FBN2: variants seen among roughly 807,000 people sequenced by gnomAD.
The protein encoded by FBN2 is fibrillin-2.
A neutral mutation model predicts 355.6 loss-of-function variants in FBN2; 105 were observed. The ratio of observed to expected loss-of-function variants is 0.30; its 90% confidence interval spans 0.25 to 0.35. FBN2 has a LOEUF of 0.35. Ranked by LOEUF, FBN2 falls within the 10% of genes least tolerant of loss-of-function variation. FBN2 has a pLI of 1.00. For synonymous variants in FBN2, 1,350 were observed against 1,301.2 expected, an observed-to-expected ratio of 1.04 and a Z score of -0.81; for missense variants, 3,280 against 3,758.7, an observed-to-expected ratio of 0.87 and a Z score of 3.33.
At chr5:128,334,682 GA>G (rs1486106526) in intron 31 of FBN2, 36 bp downstream of exon 31, 4 of 1,612,588 alleles carry the variant, frequency 2.5e-6, no homozygotes, top group Non-Finnish European at 3.4e-6. Context: ...TGACATCTGA[GA>G]AGTTGAAATA....
At chr5:128,339,797 G>A (rs893294645) in intron 25 of FBN2, among the ~76,000 whole-genome samples, 3 of 152,132 alleles carry the variant, frequency 2.0e-5, no homozygotes, top group Admixed American at 6.5e-5. Flanking sequence ...CTCTGTGCAG[G>A]AGGGACTGGC....
chr5:128,529,419 G>C (rs974648680), intron 3 of FBN2, among the ~76,000 whole-genome samples: 24 of 152,182 alleles, frequency 1.6e-4, no homozygotes, highest in African/African-American at 5.6e-4. Context: ...AGAAGATAAT[G>C]ATTAATAGTG....
chr5:128,286,034 C>T (rs185742571), intron 55 of FBN2, among the ~76,000 whole-genome samples: 132 of 152,170 alleles, frequency 8.7e-4, no homozygotes, highest in African/African-American at 2.7e-3. Context: ...TAGCATTTTG[C>T]CCTGTGCTAG....
chr5:128,290,603 C>T, intron 50 of FBN2, 129 bp downstream of exon 50: 1 of 951,338 alleles, frequency 1.1e-6, no homozygotes, highest in Non-Finnish European at 1.7e-6. Context: ...TTCAATGAAC[C>T]ATCAAAACTT....
chr5:128,269,334 G>A (rs1336290834), intron 62 of FBN2, among the ~76,000 whole-genome samples: 1 of 150,028 alleles, frequency 6.7e-6, no homozygotes, highest in African/African-American at 2.4e-5. Flanking sequence ...CAGGCATGGT[G>A]GCAGGCGCCT....
intron 49 of FBN2, 112 bp downstream of exon 49, chr5:128,291,417 A>G (rs376811581): frequency 8.0e-7 from 1 of 1,248,650 alleles, no homozygotes; most frequent in African/African-American, 1.5e-5. Context: ...TTGCAGATGT[A>G]TTTTAGCATA....
At chr5:128,327,676 T>C (rs907108065) in intron 34 of FBN2, among the ~76,000 whole-genome samples, 2 of 152,060 alleles carry the variant, frequency 1.3e-5, no homozygotes, top group African/African-American at 4.8e-5. Context: ...TTCGCTCTTG[T>C]TGTCCAGTCT....
At chr5:128,275,982 A>C in intron 59 of FBN2, 56 bp downstream of exon 59, 1 of 1,592,648 alleles carries the variant, frequency 6.3e-7, no homozygotes, top group East Asian at 2.2e-5. Flanking sequence ...CTAATATTTA[A>C]ATTTGAAAGA....
At chr5:128,415,320 T>A (rs1433366617) in intron 7 of FBN2, among the ~76,000 whole-genome samples, 1 of 152,218 alleles carries the variant, frequency 6.6e-6, no homozygotes, top group African/African-American at 2.4e-5. Context: ...TCTAACTGTA[T>A]GTTTGTACAC....
At position 128,259,311 on chromosome 5, in the gene FBN2, G is replaced by T. The variant is rs1764897360; in HGVS notation, c.*144C>A. ...AGTCTAAATTATCCCTCCCTGTGAG[G>T]GTCAACATTCAAAGTCTAAGACAGG... On this transcript the variant is annotated 3_prime_UTR_variant, in exon 65 of 65. Coordinates refer to ENST00000262464, the MANE Select transcript of FBN2 (RefSeq NM_001999.4). The T allele has an allele frequency of 2.8e-6, 3 of 1,084,512 alleles. No individual in the cohort carries two copies. Among genetic ancestry groups the T allele is most frequent in the African/African-American group, 1.6e-5 (1 of 64,410 alleles). The allele number at this position is 1,084,512 out of a possible 1,614,324, so 67.2% of individuals were successfully genotyped here. A position where few individuals can be genotyped will look rare whatever the true frequency, so the allele number is the denominator to read the frequency against.
At chr5:128,407,608 T>C (rs138377011) in intron 8 of FBN2, among the ~76,000 whole-genome samples, 152 of 152,338 alleles carry the variant, frequency 1.0e-3, no homozygotes, top group African/African-American at 3.5e-3. Context: ...TCTACTGTTA[T>C]TTATGATGAC....
rs878941866 is a variant in FBN2 at position 128,290,818 on chromosome 5, T to C, written c.6359A>G (p.Asn2120Ser). 2 of 1,614,100 alleles carry C rather than the reference T, an allele frequency of 1.2e-6. No individual in the cohort carries two copies. The highest frequency in any genetic ancestry group is 1.1e-5 in the South Asian group (1 of 91,080). The change falls in exon 50 of 65, where the codon AAC (asparagine) becomes AGC (serine). Residue 2120 changes from asparagine (N) to serine (S), a missense_variant. Physicochemically the swap from Asn to Ser is conservative, Grantham distance 46. Transcript: ENST00000262464. ...ACAGCAGCATTTTGCTTTTGTGGTG[T>C]TGAAAGCTTTGGGTACAGAACACTT... The part of the protein sequence containing the change: ...NGKCSVPKAF[N>S]TTKAKCCCSK...
chr5:128,431,424 T>C (rs1463532149), intron 7 of FBN2, among the ~76,000 whole-genome samples: 1 of 152,210 alleles, frequency 6.6e-6, no homozygotes, highest in Non-Finnish European at 1.5e-5. Flanking sequence ...TCACGTCTTC[T>C]ACCCACAAAT....
At chr5:128,536,569 C>T in intron 1 of FBN2, 85 bp from the exon 2 acceptor site, 1 of 907,168 alleles carries the variant, frequency 1.1e-6, no homozygotes, top group Non-Finnish European at 1.8e-6. Context: ...ATGCCCCGAG[C>T]GAGTAGATTT....
chr5:128,524,962 C>T (rs1028910403), intron 4 of FBN2, among the ~76,000 whole-genome samples: 6 of 152,072 alleles, frequency 3.9e-5, no homozygotes, highest in South Asian at 2.1e-4. Flanking sequence ...GACACAGGGG[C>T]GGAAGAACAT....
intron 8 of FBN2, among the ~76,000 whole-genome samples, chr5:128,407,499 G>T (rs561400170): frequency 6.6e-6 from 1 of 152,266 alleles, no homozygotes; most frequent in South Asian, 2.1e-4. Context: ...AGGTAGTGGA[G>T]AAGCCCAGTG....
rs762754059 is a variant in FBN2, at chr5:128,258,424, T to C, written c.*1031A>G. 2 of 152,584 alleles carry C rather than the reference T, an allele frequency of 1.3e-5. No homozygotes were observed. Among genetic ancestry groups the C allele is most frequent in the South Asian group, 2.1e-4 (1 of 4,826 alleles). The allele number at this position is 152,584 out of a possible 1,614,324, so 9.5% of individuals were successfully genotyped here. A position where few individuals can be genotyped will look rare whatever the true frequency, so the allele number is the denominator to read the frequency against. ...CAACAACATATATTCCTTGGCTGCA[T>C]TGCATGATTTGTTTGCACATATGGC... On this transcript the variant is annotated 3_prime_UTR_variant, in exon 65 of 65. Coordinates refer to ENST00000262464, the MANE Select transcript of FBN2 (RefSeq NM_001999.4).
At chr5:128,324,678 C>T (rs768001788) in intron 34 of FBN2, among the ~76,000 whole-genome samples, 1 of 149,528 alleles carries the variant, frequency 6.7e-6, no homozygotes, top group Admixed American at 6.7e-5. Context: ...AGTGCAGTGG[C>T]GTGATCTCGG....
intron 5 of FBN2, among the ~76,000 whole-genome samples, chr5:128,508,210 C>G (rs1435152512): frequency 1.3e-5 from 2 of 151,856 alleles, no homozygotes; most frequent in Admixed American, 6.6e-5. Flanking sequence ...TTTTTAAAAT[C>G]CTACATAACA....
Sources: gnomAD v4.1 joint callset for allele counts (sites outside exome capture counted in the v4.1 genomes callset) on GRCh38, gnomAD v4.1.1 for gene constraint, MANE v1.5 for transcripts, NCBI Gene and HGNC (gene_info 2026-07-23, HGNC 2026-07-21) for gene names.